EYS: variants seen among roughly 807,000 people sequenced by gnomAD.
EYS encodes EGF-like photoreceptor maintenance factor.
Under a neutral mutation model 282.1 loss-of-function variants are expected in EYS, and 250 were observed. The observed-to-expected ratio is 0.89, with a 90% CI of 0.80 to 0.98. The LOEUF (loss-of-function observed/expected upper bound fraction) is 0.98, where lower values mean the gene tolerates loss of function less well. Ranked by LOEUF, EYS falls within the 50% of genes least tolerant of loss-of-function variation. EYS has a pLI of 0.00. For missense variants in EYS, 4,016 were observed against 3,709.0 expected (o/e 1.08, Z -2.15); for synonymous variants, 1,355 against 1,282.9 (o/e 1.06, Z -1.20).
chr6:64,690,202 A>G (rs1328363977), intron 22 of EYS, among the ~76,000 whole-genome samples: 3 of 152,130 alleles, frequency 2.0e-5, no homozygotes, highest in Non-Finnish European at 4.4e-5. Flanking sequence ...GAAGACATTT[A>G]TGCAGCCAAC....
At chr6:65,392,932 A>C (rs1766108119) in intron 7 of EYS, among the ~76,000 whole-genome samples, 1 of 152,188 alleles carries the variant, frequency 6.6e-6, no homozygotes, top group African/African-American at 2.4e-5. Flanking sequence ...CAAATGTCCA[A>C]CAATGATAGA....
chr6:65,540,540 T>TAGC (rs1318541620), intron 2 of EYS, among the ~76,000 whole-genome samples: 2 of 152,212 alleles, frequency 1.3e-5, no homozygotes, highest in African/African-American at 4.8e-5. Context: ...ATAAAATTCT[T>TAGC]AGCATACTTT....
intron 21 of EYS, among the ~76,000 whole-genome samples, chr6:64,821,351 A>G (rs1764891807): frequency 6.6e-6 from 1 of 151,978 alleles, no homozygotes; most frequent in African/African-American, 2.4e-5. Flanking sequence ...CATCTGAGCA[A>G]CTGTTGATAA....
At chr6:65,238,655 G>A (rs188204200) in intron 12 of EYS, among the ~76,000 whole-genome samples, 4 of 152,046 alleles carry the variant, frequency 2.6e-5, no homozygotes, top group Admixed American at 6.6e-5. Flanking sequence ...TGACTAACAT[G>A]ATAATCATAA....
intron 28 of EYS, among the ~76,000 whole-genome samples, chr6:64,394,697 T>G: frequency 6.6e-6 from 1 of 151,938 alleles, no homozygotes; most frequent in African/African-American, 2.4e-5. Context: ...AACCTGGGCA[T>G]TACCATTCAG....
Position 63,720,414 on chromosome 6 carries a change from G to A in EYS, c.*182C>T, listed in dbSNP as rs1768327426. On this transcript the variant is annotated 3_prime_UTR_variant, in exon 43 of 43. Transcript: ENST00000503581. ...CAAAATATATACAGATAAATTAGAT[G>A]TAGGAAAAACAATCAGAACCTTCAG... 2 of 524,912 alleles carry A rather than the reference G, an allele frequency of 3.8e-6. No homozygotes were observed. Among genetic ancestry groups the A allele is most frequent in the Non-Finnish European group, 6.6e-6 (2 of 304,876 alleles). The allele number at this position is 524,912 out of a possible 1,614,324, so 32.5% of individuals were successfully genotyped here. A position where few individuals can be genotyped will look rare whatever the true frequency, so the allele number is the denominator to read the frequency against.
chr6:65,661,682 G>T (rs1282804126), intron 1 of EYS, among the ~76,000 whole-genome samples: 1 of 151,974 alleles, frequency 6.6e-6, no homozygotes, highest in Admixed American at 6.6e-5. Context: ...ATTCTACCTG[G>T]AACTTTCGGA....
chr6:63,827,973 C>T (rs1771522081), intron 36 of EYS, among the ~76,000 whole-genome samples: 1 of 151,664 alleles, frequency 6.6e-6, no homozygotes, highest in Non-Finnish European at 1.5e-5. Flanking sequence ...AATTAAATAA[C>T]CTGCTCCAGA....
intron 36 of EYS, among the ~76,000 whole-genome samples, chr6:63,863,210 T>A (rs1772578341): frequency 6.6e-6 from 1 of 152,252 alleles, no homozygotes; most frequent in Admixed American, 6.5e-5. Flanking sequence ...AGTCCAGTCC[T>A]GTGTTGATTA....
At chr6:64,309,088 T>C in intron 29 of EYS, among the ~76,000 whole-genome samples, 1 of 152,134 alleles carries the variant, frequency 6.6e-6, no homozygotes, top group East Asian at 1.9e-4. Context: ...TAAAAATGCT[T>C]TTGATTATAA....
At chr6:65,152,598 G>C (rs891254963) in intron 12 of EYS, among the ~76,000 whole-genome samples, 1 of 151,876 alleles carries the variant, frequency 6.6e-6, no homozygotes, top group African/African-American at 2.4e-5. Flanking sequence ...CAGACTGCCA[G>C]CCTCCAGAAC....
At chr6:65,111,987 G>A (rs962303111) in intron 12 of EYS, among the ~76,000 whole-genome samples, 4 of 152,166 alleles carry the variant, frequency 2.6e-5, no homozygotes, top group Admixed American at 2.0e-4. Context: ...CAGTATCAAT[G>A]TGAGATCTTT....
chr6:64,544,029 C>A (rs1764769160), intron 26 of EYS, among the ~76,000 whole-genome samples: 1 of 152,112 alleles, frequency 6.6e-6, no homozygotes, highest in African/African-American at 2.4e-5. Context: ...ATGTATAAAA[C>A]ATATTTCTTA....
intron 31 of EYS, among the ~76,000 whole-genome samples, chr6:64,226,823 T>C (rs969529592): frequency 2.6e-5 from 4 of 152,098 alleles, no homozygotes; most frequent in Admixed American, 2.6e-4. Flanking sequence ...ATGGGAAATA[T>C]GTCTGTGGGT....
In EYS at chr6:65,086,094, G is replaced by T. The variant is rs112024227; in HGVS notation, c.2024-28367C>A. Among the ~76,000 whole-genome samples, 701 of 148,398 alleles carry T rather than the reference G, an allele frequency of 4.7e-3. 4 individuals are homozygous for T. Among genetic ancestry groups the T allele is most frequent in the African/African-American group, 0.015 (605 of 40,220 alleles). ...TCTATAGTTTTAAATATGATAGTTT[G>T]AAATTAATAGATGATGGCAAAAAGA... On this transcript the variant is annotated intron_variant, in intron 12 of 42. Coordinates refer to ENST00000503581, the MANE Select transcript of EYS (RefSeq NM_001142800.2).
At position 64,081,958 on chromosome 6, in the gene EYS, C is replaced by A; in HGVS notation, c.6469G>T (p.Glu2157Ter). ...FPSFNGNSYL[E>*]LPFLKFVLEK... is the part of the protein sequence containing the mutation. ...AGGACAAACTTCAAAAAGGGCAGTT[C>A]TAAATAGGAATTCCCATTGAAAGAT... The change falls in exon 32 of 43, where the codon GAA becomes TAA. Residue 2157 changes from glutamate to a stop codon, truncating the protein, a stop_gained. Transcript: ENST00000503581. LOFTEE classifies it high-confidence loss of function. 6.5e-7 allele frequency: 1 copy of A among 1,544,808 alleles called. No homozygotes were observed. Among genetic ancestry groups the A allele is most frequent in the Non-Finnish European group, 8.8e-7 (1 of 1,141,484 alleles).
At chr6:65,480,007 A>C in intron 5 of EYS, among the ~76,000 whole-genome samples, 1 of 151,170 alleles carries the variant, frequency 6.6e-6, no homozygotes, top group Admixed American at 6.6e-5. Context: ...TACAAAAAAA[A>C]AAAAAAAATT....
intron 5 of EYS, among the ~76,000 whole-genome samples, chr6:65,412,317 A>G (rs541914989): frequency 3.9e-5 from 6 of 152,268 alleles, no homozygotes; most frequent in Non-Finnish European, 8.8e-5. Context: ...GAATATTAAT[A>G]TATAGGCTTC....
intron 40 of EYS, among the ~76,000 whole-genome samples, chr6:63,772,758 TA>T: frequency 6.6e-6 from 1 of 152,244 alleles, no homozygotes; most frequent in East Asian, 1.9e-4. Context: ...TGGTTCCAAA[TA>T]AAAACTGTAA....
Sources: allele counts gnomAD v4.1 joint callset (sites outside exome capture counted in the v4.1 genomes callset), GRCh38; gene constraint gnomAD v4.1.1; transcripts MANE v1.5; gene names NCBI Gene and HGNC (gene_info 2026-07-23, HGNC 2026-07-21).